CAPN6: variants seen among roughly 807,000 people sequenced by gnomAD.
CAPN6 encodes calpain-6.
Under a neutral mutation model 46.0 loss-of-function variants are expected in CAPN6, and 16 were observed. That is an observed-to-expected ratio of 0.35 (90% CI 0.24 to 0.53). The LOEUF is 0.53. CAPN6 is among the 20% of genes least tolerant of loss of function. The pLI, the probability that CAPN6 is intolerant of heterozygous loss-of-function variation, is 0.94. For synonymous variants in CAPN6, 206 were observed against 172.8 expected (o/e 1.19, Z -1.51); for missense variants, 461 against 498.0 (o/e 0.93, Z 0.71).
intron 3 of CAPN6, among the ~76,000 whole-genome samples, chrX:111,253,928 G>A (rs781177963): frequency 2.7e-5 from 3 of 111,439 alleles, no homozygotes; most frequent in African/African-American, 9.8e-5. Flanking sequence ...GGCTTCTACT[G>A]ACTTTATACC....
chrX:111,254,546 G>A (rs1178479212), intron 2 of CAPN6, 143 bp from the exon 3 acceptor site: 2 of 425,025 alleles, frequency 4.7e-6, no homozygotes, highest in Non-Finnish European at 8.1e-6. Flanking sequence ...ATGGGATGAA[G>A]GGAAGGCTGA....
intron 12 of CAPN6, among the ~76,000 whole-genome samples, chrX:111,247,050 T>C (rs989718403): frequency 1.3e-4 from 15 of 111,643 alleles, no homozygotes; most frequent in Non-Finnish European, 2.4e-4. Flanking sequence ...TGATTCATCC[T>C]GACCTAGCCA....
intron 2 of CAPN6, among the ~76,000 whole-genome samples, chrX:111,257,587 T>C (rs1392045014): frequency 8.9e-6 from 1 of 112,045 alleles, no homozygotes. Flanking sequence ...GACTATTTGG[T>C]GACAAATTTG....
chrX:111,257,524 G>A (rs777819149), intron 2 of CAPN6, among the ~76,000 whole-genome samples: 30 of 112,095 alleles, frequency 2.7e-4, no homozygotes, highest in Non-Finnish European at 5.3e-4. Flanking sequence ...AAGTAGCCAA[G>A]GATTTAGAAA....
rs994447537 is a variant in CAPN6, at chrX:111,245,709, T to C, written c.*868A>G. On this transcript the variant is annotated 3_prime_UTR_variant, in exon 13 of 13. Coordinates refer to ENST00000324068, the MANE Select transcript of CAPN6 (RefSeq NM_014289.4). ...TCTTTTAGGTGTGTATGGTACTTAC[T>C]TATCTTTCCTCTTGCCCACTGACTG... 8.0e-5 allele frequency: 9 copies of C among 113,170 alleles called. No individual in the cohort carries two copies. The highest frequency in any genetic ancestry group is 2.9e-4 in the African/African-American group (9 of 31,054). 9.3% of individuals were successfully genotyped at this position (113,170 alleles called of 1,213,427 possible).
chrX:111,248,604 G>A lies in CAPN6; in HGVS notation c.1449C>T (p.Leu483=), dbSNP rs147998864. 51 of 1,207,756 alleles carry A rather than the reference G, an allele frequency of 4.2e-5. No individual in the cohort carries two copies. Among genetic ancestry groups the A allele is most frequent in the Non-Finnish European group, 5.5e-5 (49 of 894,664 alleles). The change falls in exon 10 of 13, where the codon CTC becomes CTT. Residue 483 remains leucine (L), a synonymous_variant. Transcript: ENST00000324068. ...MFQHGRTSEF[L]LRIFSEVPVQ... ...CAGGCACTTCAGAGAAGATTCTCAG[G>A]AGAAACTCGCTGGTGCGACCATGCT...
chrX:111,262,084 CAT>C (rs1350676283), intron 2 of CAPN6, among the ~76,000 whole-genome samples: 1 of 109,989 alleles, frequency 9.1e-6, no homozygotes, highest in Non-Finnish European at 1.9e-5. Flanking sequence ...TATTTTTCTC[CAT>C]GTATTTTTGC....
intron 2 of CAPN6, among the ~76,000 whole-genome samples, chrX:111,254,774 A>G (rs1335786524): frequency 1.8e-5 from 2 of 111,430 alleles, no homozygotes; most frequent in Admixed American, 1.9e-4. Flanking sequence ...TTCTGATCCT[A>G]TTTTGCCAGG....
chrX:111,268,888 G>A (rs771807415), intron 1 of CAPN6, among the ~76,000 whole-genome samples: 132 of 111,005 alleles, frequency 1.2e-3, no homozygotes, highest in Middle Eastern at 9.3e-3. Flanking sequence ...ACCTCCCAAC[G>A]TTTTTTTTTA....
In CAPN6 at chrX:111,248,631, G is replaced by T; in HGVS notation, c.1422C>A (p.Phe474Leu). 1 of 1,208,801 alleles carries T rather than the reference G, an allele frequency of 8.3e-7. No individual in the cohort carries two copies. ...KGNYVLVPTM[F>L]QHGRTSEFLL... ...GAAACTCGCTGGTGCGACCATGCTGGAACATGGTTGGGACAAGCACATAGT... is the reference window on the plus strand; with the variant it reads ...GAAACTCGCTGGTGCGACCATGCTGTAACATGGTTGGGACAAGCACATAGT... The change falls in exon 10 of 13, where the codon TTC becomes TTA. Residue 474 changes from phenylalanine (F) to leucine (L), a missense_variant. Phe to Leu is a conservative substitution (Grantham distance 22). Coordinates refer to ENST00000324068, the MANE Select transcript of CAPN6 (RefSeq NM_014289.4).
chrX:111,257,738 G>GCT (rs1285937716), intron 2 of CAPN6, among the ~76,000 whole-genome samples: 5 of 111,785 alleles, frequency 4.5e-5, no homozygotes, highest in Admixed American at 1.9e-4. Flanking sequence ...GGACATTTCA[G>GCT]CTTGAGCTGT....
intron 5 of CAPN6, among the ~76,000 whole-genome samples, chrX:111,252,005 A>G (rs1178622100): frequency 8.9e-6 from 1 of 112,511 alleles, no homozygotes; most frequent in Non-Finnish European, 1.9e-5. Flanking sequence ...GGGCAGATTC[A>G]TTTATTGAGC....
chrX:111,251,663 C>A lies in CAPN6; in HGVS notation c.779G>T (p.Arg260Leu). Residue 260 changes from arginine (R) to leucine (L), a missense_variant, in exon 6 of 13, where the codon CGC becomes CTC. Arg to Leu is a moderately radical substitution (Grantham distance 102). Transcript: ENST00000324068. ...AAGTCTCTCTCCAAGACGAATTTTGCGAATATCAGTCATGGTATAGGTATG... is the reference window on the plus strand; with the variant it reads ...AAGTCTCTCTCCAAGACGAATTTTGAGAATATCAGTCATGGTATAGGTATG... Reference protein sequence around the residue: ...KGHTYTMTDIRKIRLGERLVE... With the variant: ...KGHTYTMTDILKIRLGERLVE... 2.5e-6 allele frequency: 3 copies of A among 1,209,475 alleles called. No individual in the cohort carries two copies.
chrX:111,245,867 C>A lies in CAPN6; in HGVS notation c.*710G>T, dbSNP rs1485414852. On this transcript the variant is annotated 3_prime_UTR_variant, in exon 13 of 13. Transcript: ENST00000324068. ...CCGTCTTGTGGCACACAGCAGGCTT[C>A]CATTGAGCTGAAGCTCAGGCCCCTC... The A allele has an allele frequency of 2.7e-5, 3 of 113,021 alleles. No individual in the cohort carries two copies. The highest frequency in any genetic ancestry group is 9.7e-5 in the African/African-American group (3 of 30,949). The allele number at this position is 113,021 out of a possible 1,213,427, so 9.3% of individuals were successfully genotyped here. A position where few individuals can be genotyped will look rare whatever the true frequency, so the allele number is the denominator to read the frequency against.
chrX:111,258,241 C>T (rs1209623826), intron 2 of CAPN6, among the ~76,000 whole-genome samples: 2 of 111,740 alleles, frequency 1.8e-5, no homozygotes, highest in Non-Finnish European at 3.8e-5. Context: ...GGGTAAACCG[C>T]AGGAACCTCA....
At position 111,252,513 on chromosome X, in the gene CAPN6, T is replaced by G. The variant is rs1052316332; in HGVS notation, c.507-14A>C. 8.6e-7 allele frequency: 1 copy of G among 1,166,518 alleles called. No individual in the cohort carries two copies. The highest frequency in any genetic ancestry group is 1.2e-6 in the Non-Finnish European group (1 of 869,007). ...CAGCCTAGCAGCCTGAGGGCAAGTA[T>G]GCAAGGTTATCTTTGTAAAATTGTT... On this transcript the variant is annotated splice_polypyrimidine_tract_variant and intron_variant, in intron 4 of 12. Transcript: ENST00000324068.
intron 7 of CAPN6, 37 bp from the exon 8 acceptor site, chrX:111,251,140 T>C: frequency 1.7e-6 from 2 of 1,205,084 alleles, no homozygotes; most frequent in African/African-American, 1.7e-5. Context: ...ATAAAGATGG[T>C]ATTTAATACT....
intron 2 of CAPN6, among the ~76,000 whole-genome samples, chrX:111,258,868 G>A (rs755110427): frequency 4.2e-4 from 47 of 112,416 alleles, no homozygotes; most frequent in African/African-American, 1.4e-3. Context: ...TCAGCAATAA[G>A]ATGGAATAAA....
In CAPN6 at chrX:111,251,219, C is replaced by T. The variant is rs767800443; in HGVS notation, c.961G>A (p.Gly321Arg). Residue 321 changes from glycine to arginine, a missense_variant, in exon 7 of 13, where the codon GGA (glycine) becomes AGA (arginine). By Grantham distance (125) the Gly-to-Arg change is moderately radical. Transcript: ENST00000324068. ...KNLGLVMSDD[G>R]EFWMSLEDFC... is the part of the protein sequence containing the mutation. ...GAAACCCCTCCTCACCAAAACTCTC[C>T]ATCATCAGACATAACAAGCCCCAGG... is the stretch of plus-strand genomic sequence containing the variant. 8.3e-7 allele frequency: 1 copy of T among 1,210,148 alleles called. No individual in the cohort carries two copies. The highest frequency in any genetic ancestry group is 1.1e-6 in the Non-Finnish European group (1 of 895,035).
Sources: allele counts gnomAD v4.1 joint callset (sites outside exome capture counted in the v4.1 genomes callset), GRCh38; gene constraint gnomAD v4.1.1; transcripts MANE v1.5; gene names NCBI Gene and HGNC (gene_info 2026-07-23, HGNC 2026-07-21).